WWOX: variants seen among roughly 807,000 people sequenced by gnomAD.
WWOX encodes the protein WW domain-containing oxidoreductase.
A neutral mutation model predicts 46.2 loss-of-function variants in WWOX; 69 were observed. That is an observed-to-expected ratio of 1.49 (90% CI 1.23 to 1.82). WWOX has a LOEUF of 1.82. WWOX is among the 40% of genes most tolerant of loss of function. The pLI is 0.00. For missense variants in WWOX, 919 were observed against 542.6 expected, an observed-to-expected ratio of 1.69 and a Z score of -6.89; for synonymous variants, 359 against 202.6, an observed-to-expected ratio of 1.77 and a Z score of -6.56.
At chr16:78,490,731 T>G (rs1241337005) in intron 8 of WWOX, among the ~76,000 whole-genome samples, 1 of 152,164 alleles carries the variant, frequency 6.6e-6, no homozygotes, top group Non-Finnish European at 1.5e-5. Flanking sequence ...GACTCCTGTT[T>G]TCTACACAGT....
chr16:78,952,929 C>T (rs1414636542), intron 8 of WWOX, among the ~76,000 whole-genome samples: 1 of 152,112 alleles, frequency 6.6e-6, no homozygotes, highest in Non-Finnish European at 1.5e-5. Flanking sequence ...CTGAAGCTGG[C>T]TCAGAAGATG....
intron 8 of WWOX, among the ~76,000 whole-genome samples, chr16:78,754,944 C>T (rs2049600100): frequency 6.7e-6 from 1 of 150,068 alleles, no homozygotes; most frequent in African/African-American, 2.5e-5. Flanking sequence ...GAATGCTGTC[C>T]ACAAAGAGCC....
chr16:79,156,248 G>A (rs2050379196), intron 8 of WWOX, among the ~76,000 whole-genome samples: 1 of 152,168 alleles, frequency 6.6e-6, no homozygotes, highest in African/African-American at 2.4e-5. Flanking sequence ...TGCAACCTTT[G>A]CATCCTGGGC....
At chr16:78,600,093 A>C (rs984018638) in intron 8 of WWOX, among the ~76,000 whole-genome samples, 2 of 152,030 alleles carry the variant, frequency 1.3e-5, no homozygotes, top group Non-Finnish European at 2.9e-5. Context: ...GCAAAGAGTG[A>C]GCTTGTGCAG....
intron 8 of WWOX, among the ~76,000 whole-genome samples, chr16:78,854,153 A>AT (rs1401018881): frequency 2.0e-5 from 3 of 152,044 alleles, no homozygotes; most frequent in Admixed American, 6.6e-5. Flanking sequence ...GCATCTTGAT[A>AT]TTTTTTCTCA....
chr16:78,652,546 A>T (rs1172129625), intron 8 of WWOX, among the ~76,000 whole-genome samples: 2 of 152,048 alleles, frequency 1.3e-5, no homozygotes, highest in Non-Finnish European at 2.9e-5. Flanking sequence ...TCAGCAGTTG[A>T]CTCACCTCTC....
chr16:78,818,689 C>G (rs1364724380), intron 8 of WWOX, among the ~76,000 whole-genome samples: 2 of 152,226 alleles, frequency 1.3e-5, no homozygotes, highest in African/African-American at 4.8e-5. Flanking sequence ...TAAGATGCCA[C>G]AGGACTATAG....
chr16:78,254,360 C>T (rs1052565569), intron 5 of WWOX, among the ~76,000 whole-genome samples: 6 of 152,022 alleles, frequency 3.9e-5, no homozygotes, highest in Non-Finnish European at 8.8e-5. Context: ...GTTGGGATTA[C>T]AGGTGTGAGC....
intron 8 of WWOX, among the ~76,000 whole-genome samples, chr16:78,446,322 G>C (rs757271422): frequency 2.8e-4 from 43 of 152,288 alleles, no homozygotes; most frequent in Non-Finnish European, 4.7e-4. Flanking sequence ...GGGTTTAAAG[G>C]TCGAATTTTG....
chr16:78,636,636 T>C (rs1421664302), intron 8 of WWOX, among the ~76,000 whole-genome samples: 2 of 152,200 alleles, frequency 1.3e-5, no homozygotes, highest in Non-Finnish European at 2.9e-5. Context: ...AATGGATTTT[T>C]AGCCTCAAGT....
intron 8 of WWOX, among the ~76,000 whole-genome samples, chr16:78,606,987 G>C (rs1262593163): frequency 6.6e-6 from 1 of 152,012 alleles, no homozygotes; most frequent in East Asian, 1.9e-4. Context: ...GGCAGACTCT[G>C]TTTTTGTTTT....
At chr16:78,748,603 C>T (rs1236626164) in intron 8 of WWOX, among the ~76,000 whole-genome samples, 4 of 152,174 alleles carry the variant, frequency 2.6e-5, no homozygotes, top group Non-Finnish European at 4.4e-5. Context: ...CATGCCCTAA[C>T]TGGTTAGCAG....
chr16:78,128,403 G>C (rs2033448725), intron 4 of WWOX, among the ~76,000 whole-genome samples: 1 of 152,152 alleles, frequency 6.6e-6, no homozygotes. Context: ...TCAATAAGAA[G>C]GGAACCTGCA....
At chr16:78,199,415 A>G (rs1007311589) in intron 5 of WWOX, among the ~76,000 whole-genome samples, 3 of 152,182 alleles carry the variant, frequency 2.0e-5, no homozygotes, top group African/African-American at 7.2e-5. Context: ...AGCAATAAAT[A>G]TGTTCATCAC....
chr16:78,393,135 T>G (rs867650315), intron 6 of WWOX, among the ~76,000 whole-genome samples: 9 of 152,290 alleles, frequency 5.9e-5, no homozygotes, highest in African/African-American at 2.2e-4. Flanking sequence ...CTGGCAGCAG[T>G]GGTGTCCATA....
intron 8 of WWOX, among the ~76,000 whole-genome samples, chr16:79,124,493 C>G (rs960534220): frequency 3.3e-5 from 5 of 152,184 alleles, no homozygotes; most frequent in East Asian, 3.9e-4. Flanking sequence ...AAAGGCGGCT[C>G]TGTCTGACCT....
At chr16:78,785,617 C>G (rs2050436859) in intron 8 of WWOX, among the ~76,000 whole-genome samples, 1 of 152,200 alleles carries the variant, frequency 6.6e-6, no homozygotes, top group African/African-American at 2.4e-5. Context: ...TCAGTTTTTA[C>G]CAAATGCTTC....
intron 5 of WWOX, among the ~76,000 whole-genome samples, chr16:78,179,457 C>G (rs1002732089): frequency 6.6e-6 from 1 of 152,174 alleles, no homozygotes; most frequent in Admixed American, 6.5e-5. Context: ...CAGAAGGTAA[C>G]TTAGGCAATT....
chr16:78,825,822 G>T (rs192534490), intron 8 of WWOX: 1 of 596,020 alleles, frequency 1.7e-6, no homozygotes, highest in Non-Finnish European at 3.1e-6. Flanking sequence ...GGTTTTCTGG[G>T]CATCAAGGTG....
Sources: gnomAD v4.1 joint callset for allele counts (sites outside exome capture counted in the v4.1 genomes callset) on GRCh38, gnomAD v4.1.1 for gene constraint, MANE v1.5 for transcripts, NCBI Gene and HGNC (gene_info 2026-07-23, HGNC 2026-07-21) for gene names.